The following TEN1 variants were observed in gnomAD, a reference collection of about 807,000 sequenced individuals.
TEN1 encodes the protein CST complex subunit TEN1.
Under a neutral mutation model 9.3 loss-of-function variants are expected in TEN1, and 6 were observed. That is an observed-to-expected ratio of 0.65 (90% CI 0.35 to 1.27). The LOEUF is 1.27. Ranked by LOEUF, TEN1 falls within the 50% of genes most tolerant of loss-of-function variation. The probability of loss-of-function intolerance (pLI) is 0.03; values close to 1 mark genes in which losing one functional copy is unlikely to be tolerated. For synonymous variants in TEN1, 65 were observed against 65.6 expected (o/e 0.99, Z 0.04); for missense variants, 149 against 158.2 (o/e 0.94, Z 0.31).
At position 75,988,112 on chromosome 17, in the gene TEN1, C is replaced by T. The variant is rs536431912; in HGVS notation, c.92+1828C>T. On this transcript the variant is annotated intron_variant, in intron 2 of 3. Transcript: ENST00000397640. Reference sequence around the variant, plus strand: ...AAAATTAGCCAGGTGTGGTGGCAGGCGCCTGTAATCCCAGCTATTCGGGAG... The same window carrying T: ...AAAATTAGCCAGGTGTGGTGGCAGGTGCCTGTAATCCCAGCTATTCGGGAG... 2.0e-4 allele frequency among the ~76,000 whole-genome samples: 29 copies of T among 144,820 alleles called. No individual in the cohort carries two copies. In the East Asian group the frequency reaches 5.4e-3, roughly 27 times the overall value.
Position 75,997,910 on chromosome 17 carries a change from A to G in TEN1, c.251-2231A>G, listed in dbSNP as rs922946814. 7.3e-5 allele frequency among the ~76,000 whole-genome samples: 11 copies of G among 150,630 alleles called. 1 individual carries two copies. Among genetic ancestry groups the G allele is most frequent in the Admixed American group, 6.0e-4 (9 of 15,112 alleles). ...GCTCTGTCACCCAGGCTGGGAGTGC[A>G]GTGGCACGATCTCTGCTTACTGCAA... On this transcript the variant is annotated intron_variant, in intron 3 of 3. Coordinates refer to ENST00000397640, the MANE Select transcript of TEN1 (RefSeq NM_001113324.3).
rs1466559927 is a variant in TEN1, at chr17:75,998,305, C to T, written c.251-1836C>T. On this transcript the variant is annotated intron_variant, in intron 3 of 3. Transcript: ENST00000397640. ...GCCTCAGCCTCCCAAGTAGTCGGGC[C>T]TGGGTAACTTTTGTATTTTTAGTAG... Among the ~76,000 whole-genome samples the T allele has an allele frequency of 1.7e-4, 25 of 151,048 alleles. No homozygotes were observed. The Admixed American group carries it at 1.7e-3, about 10-fold the overall frequency.
intron 3 of TEN1, among the ~76,000 whole-genome samples, chr17:75,993,049 C>T (rs1421128590): frequency 1.3e-5 from 2 of 151,268 alleles, no homozygotes; most frequent in Non-Finnish European, 2.9e-5. Flanking sequence ...CTCTATCCTG[C>T]CATTTCTGTA....
intron 3 of TEN1, among the ~76,000 whole-genome samples, chr17:75,992,552 G>A (rs1261211869): frequency 2.0e-5 from 3 of 150,016 alleles, no homozygotes; most frequent in East Asian, 2.0e-4. Context: ...TTGCTCTGTC[G>A]CCCAGGCTGG....
At chr17:75,992,819 T>C (rs1260695730) in intron 3 of TEN1, among the ~76,000 whole-genome samples, 22 of 143,998 alleles carry the variant, frequency 1.5e-4, no homozygotes, top group Non-Finnish European at 2.3e-4. Flanking sequence ...TTTTTTTTTT[T>C]AGACAGTGCC....
chr17:75,987,738 G>A (rs540112904), intron 2 of TEN1, among the ~76,000 whole-genome samples: 8 of 151,716 alleles, frequency 5.3e-5, no homozygotes, highest in Admixed American at 2.6e-4. Context: ...CCAAAATGGC[G>A]AAACCCTGTC....
chr17:75,983,887 A>G (rs2066137220), intron 1 of TEN1, among the ~76,000 whole-genome samples: 1 of 152,040 alleles, frequency 6.6e-6, no homozygotes, highest in African/African-American at 2.4e-5. Flanking sequence ...AAAAACCTGA[A>G]AAGATATCTC....
At position 75,991,518 on chromosome 17, in the gene TEN1, G is replaced by C. The variant is rs1425396642; in HGVS notation, c.145G>C (p.Gly49Arg). 6.4e-7 allele frequency: 1 copy of C among 1,552,200 alleles called. No homozygotes were observed. The highest frequency in any genetic ancestry group is 1.4e-5 in the African/African-American group (1 of 73,060). ...CAGAGTAACACTGATGGCTCAGCACGGATCCGATCAGCACCAGGTTCTTGT... is the reference window on the plus strand; with the variant it reads ...CAGAGTAACACTGATGGCTCAGCACCGATCCGATCAGCACCAGGTTCTTGT... ...QSRVTLMAQH[G>R]SDQHQVLVCT... Residue 49 changes from glycine to arginine, a missense_variant, in exon 3 of 4, where the codon GGA becomes CGA. Physicochemically the swap from Gly to Arg is moderately radical, Grantham distance 125. Transcript: ENST00000397640.
At chr17:75,984,493 G>A (rs1273623890) in intron 1 of TEN1, 1 of 152,188 alleles carries the variant, frequency 6.6e-6, no homozygotes, top group Non-Finnish European at 1.5e-5. Flanking sequence ...CGACCTCGCA[G>A]ACTCAAGCGA....
chr17:75,979,259 A>T lies in TEN1; in HGVS notation c.-259A>T, dbSNP rs543914514. The T allele has an allele frequency of 3.7e-4, 295 of 788,196 alleles. 1 individual carries two copies. The highest frequency in any genetic ancestry group is 5.4e-4 in the Non-Finnish European group (261 of 482,464). The allele number at this position is 788,196 out of a possible 1,614,324, so 48.8% of individuals were successfully genotyped here. A position where few individuals can be genotyped will look rare whatever the true frequency, so the allele number is the denominator to read the frequency against. On this transcript the variant is annotated 5_prime_UTR_variant, in exon 1 of 4. Coordinates refer to ENST00000397640, the MANE Select transcript of TEN1 (RefSeq NM_001113324.3). ...CGTGGCCCTTTGGCGCGTGAGTGAC[A>T]GCGGCCCAGACAGAGGGGGCGATGT...
intron 1 of TEN1, among the ~76,000 whole-genome samples, chr17:75,981,588 A>G (rs1209276529): frequency 6.7e-6 from 1 of 149,494 alleles, no homozygotes; most frequent in East Asian, 1.9e-4. Flanking sequence ...CAACCCACAA[A>G]GCAAGTTGTT....
rs898875760 is a variant in TEN1 at position 75,999,006 on chromosome 17, CT to C, written c.251-1125del. On this transcript the variant is annotated intron_variant, in intron 3 of 3. Transcript: ENST00000397640. ...GCATGAGTGCAAAAAATTTTTTTAA[CT>C]TTTTTTTTTCTCTTGCAAGCTATGA... 1.2e-3 allele frequency among the ~76,000 whole-genome samples: 175 copies of C among 148,356 alleles called. 2 individuals carry two copies. The highest frequency in any genetic ancestry group is 1.4e-3 in the East Asian group (7 of 5,086).
chr17:75,989,601 G>A (rs1432285324), intron 2 of TEN1, among the ~76,000 whole-genome samples: 2 of 151,430 alleles, frequency 1.3e-5, no homozygotes, highest in African/African-American at 4.9e-5. Context: ...TTTAAGTAGA[G>A]ATGGGATTTC....
intron 1 of TEN1, among the ~76,000 whole-genome samples, chr17:75,981,984 AC>A (rs1349856771): frequency 6.6e-6 from 1 of 152,104 alleles, no homozygotes; most frequent in Non-Finnish European, 1.5e-5. Flanking sequence ...CCGAGATTGC[AC>A]CACTGCATTC....
At position 75,994,295 on chromosome 17, in the gene TEN1, G is replaced by A. The variant is rs545413210; in HGVS notation, c.250+2672G>A. Among the ~76,000 whole-genome samples, 61 of 150,500 alleles carry A rather than the reference G, an allele frequency of 4.1e-4. No individual in the cohort carries two copies. The South Asian group carries it at 0.013, about 31-fold the overall frequency. Reference sequence around the variant, plus strand: ...ACTAAAAATACAAAATTAGCTGGGCGTGGTGGTGCATGCCTGTAATCCCAG... The same window carrying A: ...ACTAAAAATACAAAATTAGCTGGGCATGGTGGTGCATGCCTGTAATCCCAG... On this transcript the variant is annotated intron_variant, in intron 3 of 3. Coordinates refer to ENST00000397640, the MANE Select transcript of TEN1 (RefSeq NM_001113324.3).
chr17:75,984,731 C>A, intron 1 of TEN1: 1 of 152,392 alleles, frequency 6.6e-6, no homozygotes. Context: ...AAGCAAAGCC[C>A]AGTCCAGAGT....
intron 2 of TEN1, 69 bp from the exon 3 acceptor site, chr17:75,991,397 G>A (rs1420173479): frequency 2.9e-5 from 43 of 1,499,980 alleles, no homozygotes; most frequent in Non-Finnish European, 3.8e-5. Flanking sequence ...TCTTGGCCAT[G>A]CAAACCTTTT....
At chr17:75,987,990 A>C (rs2066162530) in intron 2 of TEN1, among the ~76,000 whole-genome samples, 1 of 151,524 alleles carries the variant, frequency 6.6e-6, no homozygotes, top group African/African-American at 2.4e-5. Context: ...CTGTAATGCC[A>C]ACACTTTGGG....
chr17:75,990,080 C>G (rs903020253), intron 2 of TEN1, among the ~76,000 whole-genome samples: 15 of 150,944 alleles, frequency 9.9e-5, no homozygotes, highest in Admixed American at 6.6e-4. Flanking sequence ...GAGTCTTGCT[C>G]TGTTGCCCAG....
Sources: allele counts gnomAD v4.1 joint callset (sites outside exome capture counted in the v4.1 genomes callset), GRCh38; gene constraint gnomAD v4.1.1; transcripts MANE v1.5; gene names NCBI Gene and HGNC (gene_info 2026-07-23, HGNC 2026-07-21).